FGFR3: variants seen among roughly 807,000 people sequenced by gnomAD.
FGFR3 encodes fibroblast growth factor receptor 3, also known as FGFR-3.
A neutral mutation model predicts 82.9 loss-of-function variants in FGFR3; 25 were observed. That is an observed-to-expected ratio of 0.30 (90% confidence interval 0.22 to 0.42). The LOEUF (loss-of-function observed/expected upper bound fraction) is 0.42, where lower values mean the gene tolerates loss of function less well. FGFR3 is among the 10% of genes least tolerant of loss of function. The probability of loss-of-function intolerance (pLI) is 1.00; values close to 1 mark genes in which losing one functional copy is unlikely to be tolerated. For missense variants in FGFR3, 1,026 were observed against 1,161.0 expected (o/e 0.88, Z 1.69); for synonymous variants, 620 against 516.0 (o/e 1.20, Z -2.73).
chr4:1,803,585 T>C, intron 7 of FGFR3, 107 bp from the exon 8 acceptor site: 1 of 1,519,186 alleles, frequency 6.6e-7, no homozygotes, highest in Non-Finnish European at 8.8e-7. Context: ...GAGGAGTTGG[T>C]GGTGGCGGCG....
chr4:1,801,233 C>T (rs747379005), intron 4 of FGFR3, 134 bp from the exon 5 acceptor site: 17 of 1,018,394 alleles, frequency 1.7e-5, no homozygotes, highest in African/African-American at 4.8e-5. Flanking sequence ...CTGGGAACCT[C>T]ATCCCGCCCT....
At position 1,807,312 on chromosome 4, in the gene FGFR3, C is replaced by A. The variant is rs1343029028; in HGVS notation, c.*50C>A. The A allele has an allele frequency of 6.4e-7, 1 of 1,553,842 alleles. No individual in the cohort carries two copies. Among genetic ancestry groups the A allele is most frequent in the Non-Finnish European group, 8.7e-7 (1 of 1,154,298 alleles). ...GAGGGGTCCCTAGCAGCCCACCCTG[C>A]TGCTGGTGCACAGCCACTCCCCGGC... is the stretch of plus-strand genomic sequence containing the variant. On this transcript the variant is annotated 3_prime_UTR_variant, in exon 18 of 18. Coordinates refer to ENST00000440486, the MANE Select transcript of FGFR3 (RefSeq NM_000142.5).
At chr4:1,796,482 C>T (rs955392228) in intron 2 of FGFR3, among the ~76,000 whole-genome samples, 9 of 152,192 alleles carry the variant, frequency 5.9e-5, no homozygotes, top group South Asian at 2.1e-4. Flanking sequence ...CATGTGCATC[C>T]GAAACCAGAA....
intron 7 of FGFR3, among the ~76,000 whole-genome samples, chr4:1,802,757 A>T (rs996387020): frequency 6.6e-6 from 1 of 152,102 alleles, no homozygotes; most frequent in East Asian, 1.9e-4. Flanking sequence ...CTGTGAAACC[A>T]CAGCCACCGT....
Position 1,801,750 on chromosome 4 carries a change from G to T in FGFR3, c.739+7G>T. ...TACACGCTGGACGTGCTGGGTGAGG[G>T]CCCTGGGGCGGCGCGGGGGTGGGGG... On this transcript the variant is annotated splice_region_variant and intron_variant, in intron 6 of 17. Transcript: ENST00000440486. 6.3e-7 allele frequency: 1 copy of T among 1,599,576 alleles called. No individual in the cohort carries two copies.
Position 1,804,355 on chromosome 4 carries a change from C to G in FGFR3, c.1101C>G (p.Asp367Glu), listed in dbSNP as rs779695832. The change falls in exon 9 of 18, where the codon GAC becomes GAG. Residue 367 changes from aspartate to glutamate, a missense_variant. Coordinates refer to ENST00000440486, the MANE Select transcript of FGFR3 (RefSeq NM_000142.5). The stretch of plus-strand genomic sequence containing the variant: ...CCGAGGAGGAGCTGGTGGAGGCTGA[C>G]GAGGCGGGCAGTGTGTATGCAGGCA... ...LPAEEELVEA[D>E]EAGSVYAGIL... 2 of 1,610,828 alleles carry G rather than the reference C, an allele frequency of 1.2e-6. No individual in the cohort carries two copies. The highest frequency in any genetic ancestry group is 1.3e-5 in the African/African-American group (1 of 74,986).
At chr4:1,806,006 G>C (rs1471414619) in intron 13 of FGFR3, 45 bp from the exon 14 acceptor site, 1 of 1,612,072 alleles carries the variant, frequency 6.2e-7, no homozygotes. Flanking sequence ...GGAGCAGCGG[G>C]GAGAGGTGGA....
chr4:1,804,811 C>T lies in FGFR3; in HGVS notation c.1267-13C>T, dbSNP rs2108799646. The T allele has an allele frequency of 6.5e-7, 1 of 1,549,440 alleles. No homozygotes were observed. Among genetic ancestry groups the T allele is most frequent in the Non-Finnish European group, 8.7e-7 (1 of 1,146,928 alleles). ...CCCACGCGGCGCCAACCTGCCCCTGCTGACCCAAGCAGGTGTCCCTGGAGT... is the reference window on the plus strand; with the variant it reads ...CCCACGCGGCGCCAACCTGCCCCTGTTGACCCAAGCAGGTGTCCCTGGAGT... On this transcript the variant is annotated splice_polypyrimidine_tract_variant and intron_variant, in intron 9 of 17. Coordinates refer to ENST00000440486, the MANE Select transcript of FGFR3 (RefSeq NM_000142.5).
intron 2 of FGFR3, among the ~76,000 whole-genome samples, chr4:1,798,192 A>G (rs1720743888): frequency 6.6e-6 from 1 of 151,920 alleles, no homozygotes; most frequent in Admixed American, 6.5e-5. Context: ...CCCAGGGGCC[A>G]CCTGCACATC....
Position 1,804,383 on chromosome 4 carries a change from C to A in FGFR3, c.1129C>A (p.Leu377Ile), listed in dbSNP as rs764273223. The A allele has an allele frequency of 6.2e-7, 1 of 1,613,024 alleles. No individual in the cohort carries two copies. The highest frequency in any genetic ancestry group is 8.5e-7 in the Non-Finnish European group (1 of 1,179,664). ...DEAGSVYAGI[L>I]SYGVGFFLFI... ...GGCGGGCAGTGTGTATGCAGGCATC[C>A]TCAGCTACGGGGTGGGCTTCTTCCT... is the stretch of plus-strand genomic sequence containing the variant. Residue 377 changes from leucine (L) to isoleucine (I), a missense_variant, in exon 9 of 18, where the codon CTC (leucine) becomes ATC (isoleucine). Physicochemically the swap from Leu to Ile is conservative, Grantham distance 5. Transcript: ENST00000440486.
Position 1,804,327 on chromosome 4 carries a change from C to T in FGFR3, c.1076-3C>T, listed in dbSNP as rs2108796333. On this transcript the variant is annotated splice_polypyrimidine_tract_variant and splice_region_variant and intron_variant, in intron 8 of 17. Coordinates refer to ENST00000440486, the MANE Select transcript of FGFR3 (RefSeq NM_000142.5). ...CCAGGCCTCAACGCCCATGTCTTTGCAGCCGAGGAGGAGCTGGTGGAGGCT... is the reference window on the plus strand; with the variant it reads ...CCAGGCCTCAACGCCCATGTCTTTGTAGCCGAGGAGGAGCTGGTGGAGGCT... The T allele has an allele frequency of 1.9e-6, 3 of 1,599,850 alleles. No homozygotes were observed. Among genetic ancestry groups the T allele is most frequent in the South Asian group, 1.1e-5 (1 of 89,068 alleles).
At chr4:1,799,946 C>A in intron 4 of FGFR3, 134 bp downstream of exon 4, 1 of 967,496 alleles carries the variant, frequency 1.0e-6, no homozygotes, top group East Asian at 2.6e-5. Flanking sequence ...GGTCTGGTCC[C>A]CTCAGGATAC....
At position 1,807,675 on chromosome 4, in the gene FGFR3, C is replaced by A. The variant is rs776031013; in HGVS notation, c.*413C>A. 4 of 623,530 alleles carry A rather than the reference C, an allele frequency of 6.4e-6. No individual in the cohort carries two copies. Among genetic ancestry groups the A allele is most frequent in the Non-Finnish European group, 1.2e-5 (4 of 326,156 alleles). 38.6% of individuals were successfully genotyped at this position (623,530 alleles called of 1,614,324 possible). A position where few individuals can be genotyped will look rare whatever the true frequency, so the allele number is the denominator to read the frequency against. On this transcript the variant is annotated 3_prime_UTR_variant, in exon 18 of 18. Coordinates refer to ENST00000440486, the MANE Select transcript of FGFR3 (RefSeq NM_000142.5). ...ACAGGGTGGGCCTCGGCCCCTCCCA[C>A]ACCCAAAGCTGAGCCTGCAGGGAAG...
chr4:1,802,833 T>G, intron 7 of FGFR3: 1 of 1,493,656 alleles, frequency 6.7e-7, no homozygotes, highest in African/African-American at 1.4e-5. Flanking sequence ...GATCTGTACC[T>G]TGGGGGTCTC....
Position 1,798,423 on chromosome 4 carries a change from C to A in FGFR3, c.110-831C>A, listed in dbSNP as rs757319294. ...GCCTGTGAGACCCACTTGGCCGGAC[C>A]CAGCGCCGTGTTTGTACTTTGCTCT... On this transcript the variant is annotated intron_variant, in intron 2 of 17. Coordinates refer to ENST00000440486, the MANE Select transcript of FGFR3 (RefSeq NM_000142.5). Among the ~76,000 whole-genome samples, 21 of 152,090 alleles carry A rather than the reference C, an allele frequency of 1.4e-4. No homozygotes were observed. In the East Asian group the frequency reaches 4.1e-3, roughly 30 times the overall value.
chr4:1,798,644 T>G (rs1720818837), intron 2 of FGFR3, among the ~76,000 whole-genome samples: 1 of 149,396 alleles, frequency 6.7e-6, no homozygotes, highest in South Asian at 2.1e-4. Context: ...ACCTCCTTCC[T>G]TCTCGCCTGT....
At chr4:1,803,184 C>T (rs748446766) in intron 7 of FGFR3, 171 of 1,213,362 alleles carry the variant, frequency 1.4e-4, no homozygotes, top group Non-Finnish European at 1.7e-4. Context: ...GCGCTCCACT[C>T]GGGGCCGCCT....
intron 6 of FGFR3, 45 bp downstream of exon 6, chr4:1,801,788 T>A (rs760703650): frequency 6.3e-7 from 1 of 1,582,490 alleles, no homozygotes; most frequent in Non-Finnish European, 8.6e-7. Flanking sequence ...GCAGTGGCGG[T>A]GGTGGTGAGG....
rs371433215 is a variant in FGFR3, at chr4:1,807,203, G to T, written c.2362G>T (p.Val788Leu). 1.2e-6 allele frequency: 2 copies of T among 1,608,460 alleles called. No homozygotes were observed. Among genetic ancestry groups the T allele is most frequent in the Admixed American group, 3.4e-5 (2 of 59,646 alleles). Residue 788 changes from valine (V) to leucine (L), a missense_variant, in exon 18 of 18, where the codon GTG becomes TTG. This residue lies in a region of FGFR3 where 155 missense variants were observed against 150.2 expected (regional missense o/e 1.03). Transcript: ENST00000440486. ...PSSSSSGDDS[V>L]FAHDLLPPAP... ...CTCCAGCTCCTCAGGGGACGACTCC[G>T]TGTTTGCCCACGACCTGCTGCCCCC...
Sources: allele counts gnomAD v4.1 joint callset (sites outside exome capture counted in the v4.1 genomes callset), GRCh38; gene constraint gnomAD v4.1.1; regional missense constraint gnomAD v4.1.1; transcripts MANE v1.5; gene names NCBI Gene and HGNC (gene_info 2026-07-23, HGNC 2026-07-21).